Variants in DNAI1 observed in about 807,000 individuals in gnomAD.
DNAI1 encodes the protein dynein axonemal intermediate chain 1, also known as dynein, axonemal, intermediate polypeptide 1.
A neutral mutation model predicts 92.0 loss-of-function variants in DNAI1; 67 were observed. That is an observed-to-expected ratio of 0.73 (90% CI 0.60 to 0.89). The LOEUF is 0.89. Among genes scored for constraint, DNAI1 ranks in the 40% least tolerant of loss-of-function variants. The pLI is 0.00. For missense variants in DNAI1, 839 were observed against 866.6 expected, an observed-to-expected ratio of 0.97 and a Z score of 0.40; for synonymous variants, 323 against 319.6, an observed-to-expected ratio of 1.01 and a Z score of -0.11.
At chr9:34,517,867 G>C (rs1587094839) in intron 19 of DNAI1, among the ~76,000 whole-genome samples, 1 of 152,178 alleles carries the variant, frequency 6.6e-6, no homozygotes, top group Admixed American at 6.5e-5. Flanking sequence ...CAGCCCCAGT[G>C]GTCCCTGAGC....
intron 18 of DNAI1, among the ~76,000 whole-genome samples, chr9:34,515,441 T>C (rs1217505541): frequency 2.0e-5 from 3 of 152,188 alleles, no homozygotes; most frequent in Non-Finnish European, 4.4e-5. Flanking sequence ...TTGTGGAGCT[T>C]ATGTTCTAGT....
chr9:34,474,898 A>G (rs1824210810), intron 1 of DNAI1, among the ~76,000 whole-genome samples: 1 of 152,092 alleles, frequency 6.6e-6, no homozygotes, highest in African/African-American at 2.4e-5. Context: ...AAAACTCAAG[A>G]AAGTGGAGCC....
chr9:34,493,293 A>T lies in DNAI1; in HGVS notation c.781A>T (p.Met261Leu). The change falls in exon 9 of 20, where the codon ATG (methionine) becomes TTG (leucine). Residue 261 changes from methionine to leucine, a missense_variant. Met to Leu is a conservative substitution (Grantham distance 15). Coordinates refer to ENST00000242317, the MANE Select transcript of DNAI1 (RefSeq NM_012144.4). The stretch of plus-strand genomic sequence containing the variant: ...CCCAGTGGCTAAAAAATCAGGGAAG[A>T]TGGCCATGAGGAAGCTGACATCTAT... Reference protein sequence around the residue: ...KTPVAKKSGKMAMRKLTSMES... With the variant: ...KTPVAKKSGKLAMRKLTSMES... 6.2e-7 allele frequency: 1 copy of T among 1,614,142 alleles called. No homozygotes were observed. The highest frequency in any genetic ancestry group is 1.1e-5 in the South Asian group (1 of 91,084).
At chr9:34,482,547 A>G (rs1384164439) in intron 1 of DNAI1, among the ~76,000 whole-genome samples, 1 of 143,992 alleles carries the variant, frequency 6.9e-6, no homozygotes, top group Non-Finnish European at 1.5e-5. Context: ...AGACTCTCCA[A>G]GTCCTCACCA....
At chr9:34,501,529 A>G (rs1298089622) in intron 12 of DNAI1, among the ~76,000 whole-genome samples, 3 of 152,246 alleles carry the variant, frequency 2.0e-5, no homozygotes, top group Admixed American at 1.3e-4. Context: ...GGGCCTGGTA[A>G]GCCATTCCAA....
chr9:34,475,743 G>A (rs1824224640), intron 1 of DNAI1, among the ~76,000 whole-genome samples: 1 of 152,126 alleles, frequency 6.6e-6, no homozygotes, highest in African/African-American at 2.4e-5. Context: ...CTATTAGCAG[G>A]TAGCAGAGTG....
intron 2 of DNAI1, among the ~76,000 whole-genome samples, chr9:34,483,767 A>G (rs1050273260): frequency 1.3e-5 from 2 of 152,188 alleles, no homozygotes; most frequent in African/African-American, 4.8e-5. Context: ...TTATTTTATA[A>G]CATGTTTTTC....
At chr9:34,485,376 A>G in intron 3 of DNAI1, 61 bp from the exon 4 acceptor site, 2 of 1,600,018 alleles carry the variant, frequency 1.2e-6, no homozygotes, top group Non-Finnish European at 1.7e-6. Flanking sequence ...GGATCCTTCT[A>G]AGCCTCAGAT....
chr9:34,490,109 T>G lies in DNAI1; in HGVS notation c.486T>G (p.Asp162Glu). ...ELETEPGSQTDVPAAGAAEKV... is the reference protein window; with the variant it reads ...ELETEPGSQTEVPAAGAAEKV... Reference sequence around the variant, plus strand: ...AAACTGAGCCTGGGAGTCAAACAGATGTGCCTGCAGCTGGGGTACAGTATA... The same window carrying G: ...AAACTGAGCCTGGGAGTCAAACAGAGGTGCCTGCAGCTGGGGTACAGTATA... The change falls in exon 6 of 20, where the codon GAT becomes GAG. Residue 162 changes from aspartate (D) to glutamate (E), a missense_variant. Coordinates refer to ENST00000242317, the MANE Select transcript of DNAI1 (RefSeq NM_012144.4). The G allele has an allele frequency of 6.2e-7, 1 of 1,614,036 alleles. No homozygotes were observed. Among genetic ancestry groups the G allele is most frequent in the Middle Eastern group, 1.6e-4 (1 of 6,062 alleles).
intron 1 of DNAI1, among the ~76,000 whole-genome samples, chr9:34,480,234 T>A (rs1824325233): frequency 6.6e-6 from 1 of 151,912 alleles, no homozygotes; most frequent in Non-Finnish European, 1.5e-5. Flanking sequence ...TTGTTCTGTA[T>A]ATATACTGTG....
At chr9:34,489,553 C>T in intron 5 of DNAI1, 104 bp downstream of exon 5, 2 of 1,379,944 alleles carry the variant, frequency 1.4e-6, no homozygotes, top group Non-Finnish European at 2.1e-6. Context: ...AGAGCTTCTG[C>T]TAACATAAAC....
At chr9:34,517,153 T>A in intron 18 of DNAI1, 132 bp from the exon 19 acceptor site, 1 of 939,658 alleles carries the variant, frequency 1.1e-6, no homozygotes, top group South Asian at 1.5e-5. Context: ...TCCCCCTCCC[T>A]CCACCTCCAG....
At chr9:34,479,851 G>A (rs1378320463) in intron 1 of DNAI1, among the ~76,000 whole-genome samples, 2 of 152,136 alleles carry the variant, frequency 1.3e-5, no homozygotes, top group Non-Finnish European at 2.9e-5. Flanking sequence ...CCCAAGATGA[G>A]ACATGCTTTT....
chr9:34,467,159 G>T (rs373369755), intron 1 of DNAI1, among the ~76,000 whole-genome samples: 2 of 152,134 alleles, frequency 1.3e-5, no homozygotes, highest in Non-Finnish European at 2.9e-5. Flanking sequence ...TGAATTGTGC[G>T]GGAAGGGGCC....
chr9:34,508,567 C>T (rs1053992301), intron 13 of DNAI1, among the ~76,000 whole-genome samples: 9 of 152,150 alleles, frequency 5.9e-5, no homozygotes, highest in Non-Finnish European at 1.3e-4. Flanking sequence ...CTTGATCATA[C>T]CTGGCCCAGC....
chr9:34,473,645 G>A (rs1214177828), intron 1 of DNAI1, among the ~76,000 whole-genome samples: 3 of 152,164 alleles, frequency 2.0e-5, no homozygotes, highest in Non-Finnish European at 4.4e-5. Flanking sequence ...TTTTTGGGGT[G>A]AGAACACTTA....
chr9:34,511,646 C>A (rs1825066961), intron 13 of DNAI1, among the ~76,000 whole-genome samples: 3 of 152,198 alleles, frequency 2.0e-5, no homozygotes, highest in Non-Finnish European at 4.4e-5. Context: ...AAGGGCTTCA[C>A]ATATAGTATC....
At chr9:34,509,707 A>G (rs891261425) in intron 13 of DNAI1, among the ~76,000 whole-genome samples, 1 of 152,152 alleles carries the variant, frequency 6.6e-6, no homozygotes, top group Non-Finnish European at 1.5e-5. Flanking sequence ...ATGAGAAGAC[A>G]GGGTTGAGAG....
chr9:34,469,945 G>C (rs1221900657), intron 1 of DNAI1, among the ~76,000 whole-genome samples: 1 of 152,098 alleles, frequency 6.6e-6, no homozygotes, highest in Non-Finnish European at 1.5e-5. Context: ...AACCATTATT[G>C]TCAAGTAGGG....
Sources: allele counts gnomAD v4.1 joint callset (sites outside exome capture counted in the v4.1 genomes callset), GRCh38; gene constraint gnomAD v4.1.1; transcripts MANE v1.5; gene names NCBI Gene and HGNC (gene_info 2026-07-23, HGNC 2026-07-21).